The following GRIK2 variants were observed in gnomAD, a reference collection of about 807,000 sequenced individuals.
GRIK2 encodes the protein glutamate receptor ionotropic, kainate 2.
Under a neutral mutation model 100.3 loss-of-function variants are expected in GRIK2, and 32 were observed. That is an observed-to-expected ratio of 0.32 (90% CI 0.24 to 0.43). The LOEUF (loss-of-function observed/expected upper bound fraction) is 0.43. GRIK2 is among the 20% of genes least tolerant of loss of function. GRIK2 has a pLI of 1.00. For synonymous variants in GRIK2, 417 were observed against 389.4 expected, an observed-to-expected ratio of 1.07 and a Z score of -0.83; for missense variants, 843 against 1,114.9, an observed-to-expected ratio of 0.76 and a Z score of 3.47.
intron 4 of GRIK2, among the ~76,000 whole-genome samples, chr6:101,674,966 G>A (rs1397643863): frequency 6.6e-6 from 1 of 152,086 alleles, no homozygotes; most frequent in East Asian, 1.9e-4. Context: ...TATATGTACT[G>A]ATGACATTAG....
intron 2 of GRIK2, among the ~76,000 whole-genome samples, chr6:101,604,672 A>T (rs1172760761): frequency 6.6e-6 from 1 of 151,968 alleles, no homozygotes; most frequent in African/African-American, 2.4e-5. Context: ...AGACAAGAAG[A>T]TTGGTTAATT....
At chr6:102,040,019 A>G (rs530772097) in intron 15 of GRIK2, among the ~76,000 whole-genome samples, 3 of 151,496 alleles carry the variant, frequency 2.0e-5, no homozygotes, top group African/African-American at 7.2e-5. Context: ...AGTTGTTTCT[A>G]TTTTACTTGT....
At chr6:101,653,593 C>G (rs1781921067) in intron 4 of GRIK2, among the ~76,000 whole-genome samples, 1 of 152,012 alleles carries the variant, frequency 6.6e-6, no homozygotes, top group African/African-American at 2.4e-5. Flanking sequence ...TGATTTAACT[C>G]AGAGTCCTTT....
chr6:101,949,230 C>G (rs1457719414), intron 14 of GRIK2, among the ~76,000 whole-genome samples: 3 of 150,458 alleles, frequency 2.0e-5, no homozygotes. Context: ...CAACACTTTT[C>G]TTTTGCCTCC....
chr6:101,830,943 A>G (rs1782639736), intron 10 of GRIK2, among the ~76,000 whole-genome samples: 1 of 152,070 alleles, frequency 6.6e-6, no homozygotes, highest in South Asian at 2.1e-4. Context: ...GATGGGAACA[A>G]TAGATACTGG....
chr6:101,433,807 A>G (rs1274291137), intron 2 of GRIK2, among the ~76,000 whole-genome samples: 4 of 152,154 alleles, frequency 2.6e-5, no homozygotes, highest in Non-Finnish European at 5.9e-5. Flanking sequence ...CTCTACATTT[A>G]TTTATCCCCT....
At chr6:101,443,778 G>A (rs917309600) in intron 2 of GRIK2, among the ~76,000 whole-genome samples, 6 of 151,734 alleles carry the variant, frequency 4.0e-5, no homozygotes, top group Admixed American at 6.6e-5. Context: ...GAATACTACC[G>A]GAAAACATTT....
intron 12 of GRIK2, among the ~76,000 whole-genome samples, chr6:101,909,845 G>C (rs1293155579): frequency 6.6e-6 from 1 of 150,564 alleles, no homozygotes; most frequent in Non-Finnish European, 1.5e-5. Context: ...ATTCTCAAAG[G>C]CATTAAGAAA....
chr6:101,908,588 G>A (rs2518211), intron 12 of GRIK2, among the ~76,000 whole-genome samples: 129,394 of 151,188 alleles, frequency 0.86, 55,546 homozygotes, highest in East Asian at 0.94. Flanking sequence ...CAGGGAAGAG[G>A]AAGAGAGTAA....
chr6:101,619,358 T>C (rs1354569403), intron 2 of GRIK2, among the ~76,000 whole-genome samples: 1 of 151,876 alleles, frequency 6.6e-6, no homozygotes, highest in Non-Finnish European at 1.5e-5. Context: ...TGGGTTATCC[T>C]AAGGAAATAA....
chr6:101,562,027 GGTTATTATCCCCACTA>G (rs1777045455), intron 2 of GRIK2, among the ~76,000 whole-genome samples: 2 of 152,024 alleles, frequency 1.3e-5, no homozygotes, highest in Admixed American at 6.6e-5. Context: ...TTGAATTAGT[GGTTATTATCCCCACTA>G]ACCTGACAGA....
rs562967597 is a variant in GRIK2 at position 101,978,631 on chromosome 6, G to GT, written c.2085+50006dup. 7.9e-5 allele frequency among the ~76,000 whole-genome samples: 12 copies of GT among 151,876 alleles called. No homozygotes were observed. The East Asian group carries it at 1.6e-3, about 20-fold the overall frequency. On this transcript the variant is annotated intron_variant, in intron 14 of 16. Transcript: ENST00000369134. ...AGAAAATAAAAGCCAACTTCCCTGTGTTTTTTTCTGGTAGAATTGCTGATA... is the reference window on the plus strand; with the variant it reads ...AGAAAATAAAAGCCAACTTCCCTGTGTTTTTTTTCTGGTAGAATTGCTGATA...
At chr6:101,579,859 A>G (rs1162258804) in intron 2 of GRIK2, among the ~76,000 whole-genome samples, 2 of 151,776 alleles carry the variant, frequency 1.3e-5, no homozygotes, top group Non-Finnish European at 2.9e-5. Flanking sequence ...TAAAAAAAAA[A>G]AAAAAAAAAG....
intron 2 of GRIK2, among the ~76,000 whole-genome samples, chr6:101,486,391 C>CGGGGGGGGGGAG (rs748806335): frequency 1.1e-5 from 1 of 90,784 alleles, no homozygotes; most frequent in Non-Finnish European, 2.3e-5. Flanking sequence ...GGGGGTGGGG[C>CGGGGGGGGGGAG]GGGGGGGGGA....
chr6:101,459,068 G>T (rs923640847), intron 2 of GRIK2, among the ~76,000 whole-genome samples: 1 of 149,964 alleles, frequency 6.7e-6, no homozygotes, highest in Admixed American at 6.7e-5. Flanking sequence ...TTCTGCTTCT[G>T]TGTTATTTAG....
chr6:102,023,479 A>G (rs1036718313), intron 14 of GRIK2, among the ~76,000 whole-genome samples: 1 of 151,490 alleles, frequency 6.6e-6, no homozygotes, highest in Non-Finnish European at 1.5e-5. Context: ...ATTTTGACAG[A>G]TGGTCTTTGA....
intron 4 of GRIK2, among the ~76,000 whole-genome samples, chr6:101,651,637 T>C (rs1408080818): frequency 6.6e-6 from 1 of 152,120 alleles, no homozygotes; most frequent in Non-Finnish European, 1.5e-5. Flanking sequence ...GCCATGTGGA[T>C]AAACAGAAGA....
At chr6:101,410,498 A>G (rs1301913808) in intron 2 of GRIK2, among the ~76,000 whole-genome samples, 1 of 151,962 alleles carries the variant, frequency 6.6e-6, no homozygotes. Flanking sequence ...TTCTTCCTTA[A>G]GTGTCCTCTA....
At chr6:102,041,745 T>TAAAG in intron 15 of GRIK2, among the ~76,000 whole-genome samples, 1 of 151,558 alleles carries the variant, frequency 6.6e-6, no homozygotes, top group Non-Finnish European at 1.5e-5. Context: ...ATAGGTAGCA[T>TAAAG]AAAGAATTTT....
Sources: allele counts gnomAD v4.1 joint callset (sites outside exome capture counted in the v4.1 genomes callset), GRCh38; gene constraint gnomAD v4.1.1; transcripts MANE v1.5; gene names NCBI Gene and HGNC (gene_info 2026-07-23, HGNC 2026-07-21).